Variants in TBCK observed in about 807,000 individuals in gnomAD.
The protein encoded by TBCK is TBC1 domain containing kinase.
Under a neutral mutation model 113.4 loss-of-function variants are expected in TBCK, and 99 were observed. The ratio of observed to expected loss-of-function variants is 0.87; its 90% confidence interval spans 0.74 to 1.03. TBCK has a LOEUF of 1.03. TBCK is among the 50% of genes least tolerant of loss of function. The pLI is 0.00. For synonymous variants in TBCK, 369 were observed against 370.8 expected (o/e 1.00, Z 0.05); for missense variants, 1,045 against 1,061.3 (o/e 0.98, Z 0.21).
rs1762085374 is a variant in TBCK, at chr4:106,257,199, C to G, written c.455+3238G>C. On this transcript the variant is annotated intron_variant, in intron 5 of 25. Coordinates refer to ENST00000394708, the MANE Select transcript of TBCK (RefSeq NM_001163435.3). ...GGAATAAGAACCGTTTTAGAAGAGA[C>G]ATGGAGTGAAATTTTGCCATACTTA... 7.2e-5 allele frequency among the ~76,000 whole-genome samples: 11 copies of G among 152,226 alleles called. 1 individual carries two copies. In the South Asian group the frequency reaches 2.3e-3, roughly 32 times the overall value.
chr4:106,069,184 A>G (rs1472145477), intron 25 of TBCK, among the ~76,000 whole-genome samples: 1 of 152,076 alleles, frequency 6.6e-6, no homozygotes, highest in Non-Finnish European at 1.5e-5. Flanking sequence ...TTTTGTTGCC[A>G]TTGCTTTTGG....
chr4:106,064,614 A>G (rs925319557), intron 25 of TBCK, among the ~76,000 whole-genome samples: 5 of 151,972 alleles, frequency 3.3e-5, no homozygotes, highest in African/African-American at 1.2e-4. Flanking sequence ...TATCCTTTTG[A>G]ATGTGATACA....
chr4:106,248,873 T>C, intron 8 of TBCK, 48 bp downstream of exon 8: 1 of 1,456,476 alleles, frequency 6.9e-7, no homozygotes, highest in Non-Finnish European at 9.4e-7. Context: ...ATATCAGGTA[T>C]TTTGTTATAG....
chr4:106,209,433 A>C (rs1755882169), intron 20 of TBCK, among the ~76,000 whole-genome samples: 2 of 152,140 alleles, frequency 1.3e-5, no homozygotes, highest in Non-Finnish European at 2.9e-5. Flanking sequence ...CCTGAATTTC[A>C]ATCCTCTCTT....
chr4:106,187,975 A>G (rs1753218276), intron 22 of TBCK, among the ~76,000 whole-genome samples: 2 of 152,176 alleles, frequency 1.3e-5, no homozygotes, highest in Non-Finnish European at 2.9e-5. Flanking sequence ...TTCTAGGCAT[A>G]AAATCATACC....
intron 23 of TBCK, among the ~76,000 whole-genome samples, chr4:106,160,094 C>A (rs576143209): frequency 3.0e-4 from 46 of 152,036 alleles, no homozygotes; most frequent in Middle Eastern, 6.8e-3. Context: ...TGAAGCTGAA[C>A]TCTCACCTAA....
intron 19 of TBCK, among the ~76,000 whole-genome samples, chr4:106,228,782 AT>A (rs2149980872): frequency 6.6e-6 from 1 of 152,096 alleles, no homozygotes; most frequent in African/African-American, 2.4e-5. Context: ...GCTGGATCAT[AT>A]GGTAGGTTTA....
chr4:106,246,040 A>G (rs1760772506), intron 10 of TBCK, among the ~76,000 whole-genome samples: 1 of 152,176 alleles, frequency 6.6e-6, no homozygotes, highest in Admixed American at 6.6e-5. Flanking sequence ...AAAATAGCAC[A>G]TGGGGAGGCA....
At chr4:106,290,775 C>T (rs1475308685) in intron 3 of TBCK, among the ~76,000 whole-genome samples, 2 of 152,256 alleles carry the variant, frequency 1.3e-5, no homozygotes, top group South Asian at 2.1e-4. Flanking sequence ...TGCTCCCCAT[C>T]GCTACATTAC....
intron 24 of TBCK, among the ~76,000 whole-genome samples, chr4:106,103,233 G>A (rs1046899609): frequency 2.0e-5 from 3 of 152,118 alleles, no homozygotes; most frequent in Non-Finnish European, 4.4e-5. Flanking sequence ...CGATTCTGTG[G>A]CTACATCTGT....
At chr4:106,248,870 G>A (rs1191220949) in intron 8 of TBCK, 51 bp downstream of exon 8, 2 of 1,402,780 alleles carry the variant, frequency 1.4e-6, no homozygotes, top group South Asian at 1.3e-5. Context: ...CCAATATCAG[G>A]TATTTTGTTA....
intron 25 of TBCK, among the ~76,000 whole-genome samples, chr4:106,075,884 C>T (rs1428951332): frequency 6.6e-6 from 1 of 152,200 alleles, no homozygotes; most frequent in Non-Finnish European, 1.5e-5. Context: ...CTTTCACACA[C>T]TGGGAGAACA....
intron 25 of TBCK, among the ~76,000 whole-genome samples, chr4:106,093,513 CAAACAAACAAAA>C (rs1207105111): frequency 6.6e-6 from 1 of 152,132 alleles, no homozygotes; most frequent in Non-Finnish European, 1.5e-5. Flanking sequence ...CTCAAACAAA[CAAACAAACAAAA>C]AGTTAATGCT....
At chr4:106,119,960 G>A (rs75602652) in intron 23 of TBCK, among the ~76,000 whole-genome samples, 3 of 152,092 alleles carry the variant, frequency 2.0e-5, no homozygotes, top group Admixed American at 1.3e-4. Flanking sequence ...AATGTGAGAG[G>A]AGCCAAGATG....
chr4:106,129,260 T>C (rs1745587505), intron 23 of TBCK, among the ~76,000 whole-genome samples: 1 of 152,154 alleles, frequency 6.6e-6, no homozygotes, highest in Non-Finnish European at 1.5e-5. Context: ...TTAAGCCCCA[T>C]ATGCATTAGC....
At chr4:106,145,114 T>C (rs1225291590) in intron 23 of TBCK, among the ~76,000 whole-genome samples, 1 of 151,090 alleles carries the variant, frequency 6.6e-6, no homozygotes, top group Non-Finnish European at 1.5e-5. Flanking sequence ...AATCAAGAGA[T>C]TGAGACCATC....
At chr4:106,157,218 G>A (rs192031759) in intron 23 of TBCK, among the ~76,000 whole-genome samples, 120 of 152,254 alleles carry the variant, frequency 7.9e-4, no homozygotes, top group Admixed American at 2.5e-3. Flanking sequence ...TTTCCAAGAT[G>A]TAAGACAGAG....
At chr4:106,066,550 T>C (rs1280610962) in intron 25 of TBCK, among the ~76,000 whole-genome samples, 3 of 152,018 alleles carry the variant, frequency 2.0e-5, no homozygotes, top group Non-Finnish European at 4.4e-5. Context: ...ATTTTTCCTT[T>C]TAACCATTTT....
rs1001022488 is a variant in TBCK, at chr4:106,250,448, A to G, written c.628T>C (p.Ser210Pro). ...GTAAGCAAAAATTTTAGTCTTTCAG[A>G]AATATCCAAGCTCTGAAATAATTTT... is the stretch of plus-strand genomic sequence containing the variant. ...GRKLFQSLDI[S>P]ERLKFLLTLD... The change falls in exon 7 of 26, where the codon TCT becomes CCT. Residue 210 changes from serine (S) to proline (P), a missense_variant. Ser to Pro is a moderately conservative substitution (Grantham distance 74). Coordinates refer to ENST00000394708, the MANE Select transcript of TBCK (RefSeq NM_001163435.3). 1.3e-6 allele frequency: 2 copies of G among 1,568,672 alleles called. No individual in the cohort carries two copies. Among genetic ancestry groups the G allele is most frequent in the Non-Finnish European group, 1.7e-6 (2 of 1,148,378 alleles).
Sources: allele counts gnomAD v4.1 joint callset (sites outside exome capture counted in the v4.1 genomes callset), GRCh38; gene constraint gnomAD v4.1.1; transcripts MANE v1.5; gene names NCBI Gene and HGNC (gene_info 2026-07-23, HGNC 2026-07-21).